Variants in PAK5 observed in about 807,000 individuals in gnomAD.
The protein encoded by PAK5 is p21 (RAC1) activated kinase 5.
Under a neutral mutation model 65.9 loss-of-function variants are expected in PAK5, and 16 were observed. That is an observed-to-expected ratio of 0.24 (90% CI 0.16 to 0.37). The LOEUF is 0.37. Among genes scored for constraint, PAK5 ranks in the 10% least tolerant of loss-of-function variants. The probability of loss-of-function intolerance (pLI) is 1.00; values close to 1 mark genes in which losing one functional copy is unlikely to be tolerated. For missense variants in PAK5, 785 were observed against 903.9 expected (o/e 0.87, Z 1.69); for synonymous variants, 371 against 354.9 (o/e 1.05, Z -0.51).
chr20:9,601,658 C>T lies in PAK5; in HGVS notation c.205-20728G>A, dbSNP rs529246256. Among the ~76,000 whole-genome samples the T allele has an allele frequency of 3.0e-4, 46 of 152,258 alleles. 2 individuals carry two copies. Among genetic ancestry groups the T allele is most frequent in the Middle Eastern group, 6.8e-3 (2 of 294 alleles). On this transcript the variant is annotated intron_variant, in intron 3 of 9. Transcript: ENST00000353224. ...AAGAGCCTCCCAGTAGAGTGGGACC[C>T]ACTGACTTTGAACTTGGCCACGTGT... is the stretch of plus-strand genomic sequence containing the variant.
rs1014535351 is a variant in PAK5, at chr20:9,542,735, C to A, written c.1870-15G>T. 1 of 1,611,484 alleles carries A rather than the reference C, an allele frequency of 6.2e-7. No homozygotes were observed. The highest frequency in any genetic ancestry group is 8.5e-7 in the Non-Finnish European group (1 of 1,178,078). On this transcript the variant is annotated splice_polypyrimidine_tract_variant and intron_variant, in intron 8 of 9. Coordinates refer to ENST00000353224, the MANE Select transcript of PAK5 (RefSeq NM_177990.4). ...CAGATGTCCACCTGTTAGGCACACC[C>A]TACTGGTTATCTCAGGCAAGGAGAA...
At chr20:9,799,813 C>T (rs940185615) in intron 1 of PAK5, among the ~76,000 whole-genome samples, 9 of 151,250 alleles carry the variant, frequency 6.0e-5, no homozygotes, top group East Asian at 1.9e-4. Context: ...TGATGGTGTG[C>T]GCCTATAGTC....
intron 1 of PAK5, among the ~76,000 whole-genome samples, chr20:9,809,919 T>C (rs1175226581): frequency 6.6e-6 from 1 of 152,202 alleles, no homozygotes; most frequent in Non-Finnish European, 1.5e-5. Context: ...ACTCTGGCCA[T>C]AGGATTCTAT....
At chr20:9,672,733 C>G (rs1231185613) in intron 2 of PAK5, among the ~76,000 whole-genome samples, 2 of 152,052 alleles carry the variant, frequency 1.3e-5, no homozygotes, top group Admixed American at 6.6e-5. Flanking sequence ...TCCTAAAAAG[C>G]AAAAAGTTGA....
intron 1 of PAK5, among the ~76,000 whole-genome samples, chr20:9,757,546 G>C (rs1055140867): frequency 2.7e-4 from 41 of 152,190 alleles, no homozygotes; most frequent in African/African-American, 9.6e-4. Context: ...GGGAAGCTCT[G>C]GATTTTTAAA....
In PAK5 at chr20:9,551,794, T is replaced by C. The variant is rs943950082; in HGVS notation, c.1743+5814A>G. Among the ~76,000 whole-genome samples the C allele has an allele frequency of 4.5e-4, 68 of 152,318 alleles. No homozygotes were observed. The Middle Eastern group carries it at 0.01, about 23-fold the overall frequency. On this transcript the variant is annotated intron_variant, in intron 7 of 9. Coordinates refer to ENST00000353224, the MANE Select transcript of PAK5 (RefSeq NM_177990.4). ...CTTCCTGGGTACCACGTAGCCTGAG[T>C]GAACCAGAATCTCTGGGGTTGGGGC...
intron 1 of PAK5, among the ~76,000 whole-genome samples, chr20:9,721,419 G>A (rs1286425045): frequency 6.6e-6 from 1 of 151,914 alleles, no homozygotes; most frequent in Non-Finnish European, 1.5e-5. Context: ...AGGCCGAGGT[G>A]GGCGGATCAG....
intron 1 of PAK5, among the ~76,000 whole-genome samples, chr20:9,791,774 C>T (rs1278530650): frequency 2.6e-5 from 4 of 152,062 alleles, no homozygotes; most frequent in Non-Finnish European, 5.9e-5. Flanking sequence ...AAAAGGCATC[C>T]GGTGGGTGAC....
intron 1 of PAK5, among the ~76,000 whole-genome samples, chr20:9,805,770 A>G (rs532053533): frequency 6.6e-6 from 1 of 152,238 alleles, no homozygotes; most frequent in African/African-American, 2.4e-5. Flanking sequence ...TGGGCATAGA[A>G]TTTCTTTTGG....
In PAK5 at chr20:9,562,944, C is replaced by T. The variant is rs2045614029; in HGVS notation, c.1563G>A (p.Val521=). The T allele has an allele frequency of 6.2e-7, 1 of 1,613,506 alleles. No individual in the cohort carries two copies. The highest frequency in any genetic ancestry group is 1.3e-5 in the African/African-American group (1 of 74,894). The change falls in exon 6 of 10, where the codon GTG becomes GTA. Residue 521 remains valine, a synonymous_variant. Coordinates refer to ENST00000353224, the MANE Select transcript of PAK5 (RefSeq NM_177990.4). ...CACCACCTTCTAGAAACTCCATGAC[C>T]ACCCAGAGCTCATCGCCGACAAGGT... ...SSYLVGDELW[V]VMEFLEGGAL...
chr20:9,574,617 C>A (rs930228635), intron 4 of PAK5, among the ~76,000 whole-genome samples: 4 of 152,082 alleles, frequency 2.6e-5, no homozygotes, highest in South Asian at 2.1e-4. Context: ...ATGGGAAAAC[C>A]CATTCATAAT....
chr20:9,626,645 AG>A (rs2046847955), intron 3 of PAK5, among the ~76,000 whole-genome samples: 1 of 152,266 alleles, frequency 6.6e-6, no homozygotes, highest in Non-Finnish European at 1.5e-5. Context: ...GGTGTCCAGC[AG>A]GCCTGCACAT....
intron 1 of PAK5, among the ~76,000 whole-genome samples, chr20:9,746,870 C>A (rs1444072825): frequency 2.6e-5 from 4 of 152,138 alleles, no homozygotes; most frequent in Admixed American, 2.6e-4. Context: ...CACGAAAAAC[C>A]CTTCAAAAAA....
At chr20:9,836,745 G>T (rs1979178733) in intron 1 of PAK5, among the ~76,000 whole-genome samples, 1 of 152,150 alleles carries the variant, frequency 6.6e-6, no homozygotes, top group South Asian at 2.1e-4. Flanking sequence ...ACATAGCATA[G>T]GTTCAGTAAA....
intron 1 of PAK5, among the ~76,000 whole-genome samples, chr20:9,778,180 G>A (rs139281467): frequency 2.0e-5 from 3 of 152,214 alleles, no homozygotes; most frequent in South Asian, 2.1e-4. Context: ...TAACTTCTCC[G>A]TGATGAAGAG....
In PAK5 at chr20:9,838,306, G is replaced by T. The variant is rs965539110; in HGVS notation, c.-162+456C>A. ...ACCTGCCAAAAGACAAAAACCATGC[G>T]GGAATCCTGCTCTGGCAATATGTCC... On this transcript the variant is annotated intron_variant, in intron 1 of 9. Coordinates refer to ENST00000353224, the MANE Select transcript of PAK5 (RefSeq NM_177990.4). This position sits in a 1 kb window ranked among gnomAD's most constrained non-coding sequence, Gnocchi z 4.5. 3.3e-5 allele frequency among the ~76,000 whole-genome samples: 5 copies of T among 152,094 alleles called. No homozygotes were observed. The highest frequency in any genetic ancestry group is 1.2e-4 in the African/African-American group (5 of 41,410).
chr20:9,562,771 G>A (rs981772905), intron 6 of PAK5, 120 bp downstream of exon 6: 1 of 796,418 alleles, frequency 1.3e-6, no homozygotes, highest in Non-Finnish European at 2.1e-6. Flanking sequence ...AGGGGAAAGG[G>A]TAGTCATATT....
At chr20:9,724,095 T>C (rs2048248096) in intron 1 of PAK5, among the ~76,000 whole-genome samples, 1 of 152,144 alleles carries the variant, frequency 6.6e-6, no homozygotes, top group South Asian at 2.1e-4. Context: ...TAACAGAAAC[T>C]GAAGCATAAA....
At chr20:9,729,900 T>C (rs1482959632) in intron 1 of PAK5, among the ~76,000 whole-genome samples, 4 of 150,966 alleles carry the variant, frequency 2.6e-5, no homozygotes, top group African/African-American at 9.8e-5. Flanking sequence ...TAGTCCCAGC[T>C]ACTCTGGTGG....
Sources: gnomAD v4.1 joint callset for allele counts (sites outside exome capture counted in the v4.1 genomes callset) on GRCh38, gnomAD v4.1.1 for gene constraint, Gnocchi (gnomAD v3.1) non-coding constraint, MANE v1.5 for transcripts, NCBI Gene and HGNC (gene_info 2026-07-23, HGNC 2026-07-21) for gene names.